The following CFAP299 variants were observed in gnomAD, a reference collection of about 807,000 sequenced individuals.
The protein encoded by CFAP299 is cilia- and flagella-associated protein 299.
CFAP299 carries 21 observed loss-of-function variants against 27.0 expected under a neutral mutation model. The ratio of observed to expected loss-of-function variants is 0.78; its 90% CI spans 0.55 to 1.12. The LOEUF is 1.12. Ranked by LOEUF, CFAP299 falls within the 50% of genes most tolerant of loss-of-function variation. The pLI, the probability that CFAP299 is intolerant of heterozygous loss-of-function variation, is 0.00. For synonymous variants in CFAP299, 104 were observed against 98.1 expected, an observed-to-expected ratio of 1.06 and a Z score of -0.36; for missense variants, 310 against 276.6, an observed-to-expected ratio of 1.12 and a Z score of -0.86.
At chr4:80,571,355 A>G (rs1464624027) in intron 2 of CFAP299, among the ~76,000 whole-genome samples, 3 of 151,920 alleles carry the variant, frequency 2.0e-5, no homozygotes, top group Non-Finnish European at 4.4e-5. Flanking sequence ...GCTTGAAATT[A>G]TTTCCACTTT....
intron 2 of CFAP299, among the ~76,000 whole-genome samples, chr4:80,430,215 A>G (rs2110077693): frequency 6.6e-6 from 1 of 152,356 alleles, no homozygotes; most frequent in South Asian, 2.1e-4. Context: ...AATGACAAAC[A>G]CAGAAAAAAT....
intron 2 of CFAP299, among the ~76,000 whole-genome samples, chr4:80,494,748 TG>T (rs1382867911): frequency 7.1e-6 from 1 of 141,474 alleles, no homozygotes; most frequent in African/African-American, 2.9e-5. Context: ...TCAATTATGT[TG>T]GGTACATTAA....
chr4:80,960,874 A>G (rs1003848164), intron 5 of CFAP299, among the ~76,000 whole-genome samples: 4 of 151,882 alleles, frequency 2.6e-5, no homozygotes, highest in Non-Finnish European at 4.4e-5. Context: ...TAATACATTC[A>G]TTAACAGGAC....
chr4:80,900,123 A>AAGTGT (rs139151975), intron 4 of CFAP299, among the ~76,000 whole-genome samples: 1 of 139,794 alleles, frequency 7.2e-6, no homozygotes, highest in Non-Finnish European at 1.5e-5. Context: ...AGTGGAAGAA[A>AAGTGT]GTGTGTGTGT....
chr4:80,796,742 C>G (rs762365453), intron 3 of CFAP299, among the ~76,000 whole-genome samples: 8 of 152,142 alleles, frequency 5.3e-5, no homozygotes, highest in Non-Finnish European at 1.2e-4. Context: ...CTGCATCTTT[C>G]AAGTCCTTGA....
At chr4:80,327,690 T>TTATATATAGATA in the CFAP299 span, among the ~76,000 whole-genome samples, 3 of 51,242 alleles carry the variant, frequency 5.9e-5, no homozygotes, top group Admixed American at 8.0e-4. Flanking sequence ...TAGAGAGAAG[T>TTATATATAGATA]TATATATATA....
chr4:80,541,289 T>G (rs1461917179), intron 2 of CFAP299, among the ~76,000 whole-genome samples: 1 of 152,210 alleles, frequency 6.6e-6, no homozygotes, highest in African/African-American at 2.4e-5. Flanking sequence ...TTATTTGAAC[T>G]CTTTGTTTCC....
chr4:80,728,188 C>T (rs1418629271), intron 3 of CFAP299, among the ~76,000 whole-genome samples: 1 of 151,952 alleles, frequency 6.6e-6, no homozygotes, highest in Non-Finnish European at 1.5e-5. Flanking sequence ...ATTTGTTGCA[C>T]AATATCCTTT....
chr4:80,556,655 G>T (rs1734799904), intron 2 of CFAP299, among the ~76,000 whole-genome samples: 1 of 151,942 alleles, frequency 6.6e-6, no homozygotes, highest in Non-Finnish European at 1.5e-5. Context: ...GAGGTCAAAA[G>T]ATTGAATTTA....
chr4:80,741,424 C>T (rs1724264108), intron 3 of CFAP299, among the ~76,000 whole-genome samples: 1 of 151,964 alleles, frequency 6.6e-6, no homozygotes, highest in Non-Finnish European at 1.5e-5. Context: ...GGACTGAGTC[C>T]CTCCCTTTAA....
chr4:80,344,654 T>C (rs2109974790), intron 1 of CFAP299, among the ~76,000 whole-genome samples: 1 of 152,192 alleles, frequency 6.6e-6, no homozygotes, highest in South Asian at 2.1e-4. Context: ...AAGCCAGTAT[T>C]ATCCTGATAC....
chr4:80,725,111 ATTTTTTTT>A (rs70956062), intron 3 of CFAP299, among the ~76,000 whole-genome samples: 4 of 88,514 alleles, frequency 4.5e-5, no homozygotes, highest in African/African-American at 5.1e-5. Context: ...TGCCTGGCCA[ATTTTTTTT>A]TTTTTTTTTT....
At chr4:80,545,197 T>G in intron 2 of CFAP299, among the ~76,000 whole-genome samples, 1 of 152,084 alleles carries the variant, frequency 6.6e-6, no homozygotes. Flanking sequence ...ACACAGCTAA[T>G]GCAGTGTTAA....
intron 4 of CFAP299, among the ~76,000 whole-genome samples, chr4:80,927,673 G>A (rs1483165477): frequency 6.6e-6 from 1 of 151,990 alleles, no homozygotes; most frequent in African/African-American, 2.4e-5. Flanking sequence ...TCTGGCTATT[G>A]GACTGAGTCC....
At chr4:80,503,265 G>A (rs1379970356) in intron 2 of CFAP299, among the ~76,000 whole-genome samples, 2 of 151,874 alleles carry the variant, frequency 1.3e-5, no homozygotes, top group Non-Finnish European at 2.9e-5. Context: ...CTGGTGTTTG[G>A]CACCTATTTT....
chr4:80,481,075 A>G (rs1291948714), intron 2 of CFAP299, among the ~76,000 whole-genome samples: 1 of 152,066 alleles, frequency 6.6e-6, no homozygotes, highest in Non-Finnish European at 1.5e-5. Flanking sequence ...CTGGGCAAGC[A>G]TAGTCGTAGA....
chr4:80,752,154 C>T (rs1450359872), intron 3 of CFAP299, among the ~76,000 whole-genome samples: 1 of 152,026 alleles, frequency 6.6e-6, no homozygotes, highest in East Asian at 1.9e-4. Flanking sequence ...GCTACTTTGG[C>T]TCTGTGCCAC....
At chr4:80,545,895 T>G (rs1734205163) in intron 2 of CFAP299, among the ~76,000 whole-genome samples, 1 of 152,192 alleles carries the variant, frequency 6.6e-6, no homozygotes, top group African/African-American at 2.4e-5. Context: ...ATCATAAAGC[T>G]AATCTACCAC....
intron 3 of CFAP299, among the ~76,000 whole-genome samples, chr4:80,777,704 A>T (rs1726633316): frequency 6.6e-6 from 1 of 152,172 alleles, no homozygotes; most frequent in African/African-American, 2.4e-5. Flanking sequence ...CAAAGAAGAC[A>T]TTTATAAGAC....
Sources: gnomAD v4.1 joint callset for allele counts (sites outside exome capture counted in the v4.1 genomes callset) on GRCh38, gnomAD v4.1.1 for gene constraint, MANE v1.5 for transcripts, NCBI Gene and HGNC (gene_info 2026-07-23, HGNC 2026-07-21) for gene names.